Variants in SFMBT1 observed in about 807,000 individuals in gnomAD.
SFMBT1 encodes the protein scm-like with four MBT domains protein 1.
A neutral mutation model predicts 108.7 loss-of-function variants in SFMBT1; 32 were observed. That is an observed-to-expected ratio of 0.29 (90% CI 0.22 to 0.40). The LOEUF is 0.40. Ranked by LOEUF, SFMBT1 falls within the 10% of genes least tolerant of loss-of-function variation. SFMBT1 has a pLI of 1.00. For missense variants in SFMBT1, 816 were observed against 1,059.6 expected, an observed-to-expected ratio of 0.77 and a Z score of 3.19; for synonymous variants, 348 against 369.5, an observed-to-expected ratio of 0.94 and a Z score of 0.67.
At chr3:53,027,051 A>G (rs1031273916) in intron 1 of SFMBT1, among the ~76,000 whole-genome samples, 10 of 152,126 alleles carry the variant, frequency 6.6e-5, no homozygotes, top group Non-Finnish European at 1.3e-4. Flanking sequence ...CCAAAGTGCT[A>G]GGATTATAGG....
intron 2 of SFMBT1, among the ~76,000 whole-genome samples, chr3:52,961,356 G>A (rs959755764): frequency 1.8e-4 from 27 of 152,198 alleles, no homozygotes; most frequent in African/African-American, 6.5e-4. Context: ...ATGGATGGCA[G>A]TGATTACTGC....
intron 5 of SFMBT1, 27 bp from the exon 6 acceptor site, chr3:52,932,335 C>T: frequency 6.3e-7 from 1 of 1,589,558 alleles, no homozygotes; most frequent in African/African-American, 1.4e-5. Flanking sequence ...TAAAACAACC[C>T]AGTAAGAGAA....
At chr3:52,947,318 C>T (rs909644670) in intron 3 of SFMBT1, among the ~76,000 whole-genome samples, 5 of 151,204 alleles carry the variant, frequency 3.3e-5, no homozygotes, top group Non-Finnish European at 5.9e-5. Context: ...CGGGTTTCAC[C>T]GTGTTGGCCA....
At chr3:52,930,115 C>T (rs1302706506) in intron 8 of SFMBT1, among the ~76,000 whole-genome samples, 1 of 152,192 alleles carries the variant, frequency 6.6e-6, no homozygotes, top group Non-Finnish European at 1.5e-5. Context: ...TGCCCAGGCC[C>T]AAGGCTGCTT....
At chr3:53,006,883 G>A (rs1698762890) in intron 1 of SFMBT1, among the ~76,000 whole-genome samples, 1 of 152,194 alleles carries the variant, frequency 6.6e-6, no homozygotes, top group Non-Finnish European at 1.5e-5. Context: ...TCACAAGTGA[G>A]GAATTGCTGC....
intron 6 of SFMBT1, 101 bp from the exon 7 acceptor site, chr3:52,931,136 G>A: frequency 1.9e-6 from 2 of 1,078,354 alleles, no homozygotes; most frequent in East Asian, 2.4e-5. Flanking sequence ...ACTTTCCACT[G>A]GAACTAGAAA....
chr3:53,007,372 C>A (rs1046296655), intron 1 of SFMBT1, among the ~76,000 whole-genome samples: 6 of 151,824 alleles, frequency 4.0e-5, no homozygotes, highest in Non-Finnish European at 7.4e-5. Context: ...GACTAAGGAC[C>A]AAAAAAAGGT....
intron 15 of SFMBT1, 32 bp downstream of exon 15, chr3:52,913,446 C>T: frequency 1.3e-6 from 2 of 1,599,826 alleles, no homozygotes; most frequent in South Asian, 2.3e-5. Flanking sequence ...TGTGAAATTT[C>T]CAAGTTATTT....
At chr3:53,025,101 C>T (rs1287743387) in intron 1 of SFMBT1, among the ~76,000 whole-genome samples, 1 of 151,880 alleles carries the variant, frequency 6.6e-6, no homozygotes, top group Non-Finnish European at 1.5e-5. Flanking sequence ...CCTATTAATC[C>T]AGTTTTTATT....
chr3:52,906,003 C>CT (rs1480566803), intron 20 of SFMBT1, 110 bp downstream of exon 20: 2 of 1,279,308 alleles, frequency 1.6e-6, no homozygotes, highest in African/African-American at 3.0e-5. Flanking sequence ...CAATTCTTGT[C>CT]TTTTGGATCA....
At chr3:53,017,110 C>T (rs757999213) in intron 1 of SFMBT1, among the ~76,000 whole-genome samples, 1 of 152,126 alleles carries the variant, frequency 6.6e-6, no homozygotes. Flanking sequence ...TACAAATATA[C>T]AGTAATTCTG....
intron 1 of SFMBT1, among the ~76,000 whole-genome samples, chr3:52,998,484 A>G (rs1274046798): frequency 4.7e-5 from 7 of 150,494 alleles, no homozygotes; most frequent in Non-Finnish European, 7.5e-5. Context: ...CTTCAAGCTG[A>G]GGACCACCCA....
intron 14 of SFMBT1, among the ~76,000 whole-genome samples, chr3:52,914,143 C>G (rs1702282663): frequency 1.3e-5 from 2 of 149,984 alleles, no homozygotes; most frequent in Admixed American, 1.3e-4. Context: ...GTGACCACAT[C>G]TCTAAGTTTT....
At chr3:53,031,030 G>A (rs1013837187) in intron 1 of SFMBT1, among the ~76,000 whole-genome samples, 3 of 152,168 alleles carry the variant, frequency 2.0e-5, no homozygotes, top group African/African-American at 4.8e-5. Flanking sequence ...CAGGGGCAAG[G>A]GAGATGGCAG....
At chr3:52,987,802 T>C (rs1334094748) in intron 1 of SFMBT1, among the ~76,000 whole-genome samples, 2 of 152,234 alleles carry the variant, frequency 1.3e-5, no homozygotes, top group Non-Finnish European at 1.5e-5. Context: ...GATGCTGCCA[T>C]CTATAAGCTT....
At chr3:52,930,836 G>A (rs1575381733) in intron 7 of SFMBT1, 105 bp downstream of exon 7, 9 of 815,642 alleles carry the variant, frequency 1.1e-5, no homozygotes, top group Admixed American at 2.1e-5. Context: ...CAGAGACCAT[G>A]GCATTCTTAC....
At chr3:52,917,586 C>A (rs894027698) in intron 13 of SFMBT1, among the ~76,000 whole-genome samples, 1 of 152,128 alleles carries the variant, frequency 6.6e-6, no homozygotes, top group African/African-American at 2.4e-5. Context: ...CCCAGGGCCA[C>A]GGACCAGTAC....
At chr3:52,934,655 C>A (rs1039124991) in intron 5 of SFMBT1, among the ~76,000 whole-genome samples, 158 bp downstream of exon 5, 1 of 152,206 alleles carries the variant, frequency 6.6e-6, no homozygotes, top group South Asian at 2.1e-4. Flanking sequence ...CACCAGTTTG[C>A]AACCTCTGAG....
chr3:53,033,375 G>A (rs1699754220), intron 1 of SFMBT1, among the ~76,000 whole-genome samples: 1 of 151,986 alleles, frequency 6.6e-6, no homozygotes, highest in Non-Finnish European at 1.5e-5. Context: ...TGGCCAGGCT[G>A]GTCTCAAATG....
Sources: allele counts gnomAD v4.1 joint callset (sites outside exome capture counted in the v4.1 genomes callset), GRCh38; gene constraint gnomAD v4.1.1; transcripts MANE v1.5; gene names NCBI Gene and HGNC (gene_info 2026-07-23, HGNC 2026-07-21).